ELAVL1: variants seen among roughly 807,000 people sequenced by gnomAD.
The protein encoded by ELAVL1 is ELAV-like protein 1.
In ELAVL1, 1 loss-of-function variant was observed where a neutral mutation model predicts 28.4. The observed-to-expected ratio is 0.04, with a 90% confidence interval of 0.01 to 0.17. The LOEUF is 0.17. Ranked by LOEUF, ELAVL1 falls within the 10% of genes least tolerant of loss-of-function variation. The pLI is 1.00. For missense variants in ELAVL1, 157 were observed against 447.2 expected (o/e 0.35, Z 5.85); for synonymous variants, 174 against 183.5 (o/e 0.95, Z 0.42).
intron 1 of ELAVL1, among the ~76,000 whole-genome samples, chr19:8,004,528 G>A (rs1489200387): frequency 6.6e-6 from 1 of 152,132 alleles, no homozygotes; most frequent in African/African-American, 2.4e-5. Flanking sequence ...GTAGAGGCCA[G>A]GAATACGGCT....
intron 1 of ELAVL1, among the ~76,000 whole-genome samples, chr19:7,992,268 G>C (rs1985772673): frequency 6.6e-6 from 1 of 152,112 alleles, no homozygotes; most frequent in Non-Finnish European, 1.5e-5. Context: ...TTTCTATGCT[G>C]CATGTTAACT....
chr19:7,976,986 C>T (rs1388846347), intron 3 of ELAVL1, among the ~76,000 whole-genome samples: 1 of 152,048 alleles, frequency 6.6e-6, no homozygotes, highest in East Asian at 1.9e-4. Flanking sequence ...CCCTGCCTGG[C>T]ATCTATTTTA....
Position 8,005,529 on chromosome 19 carries a change from GGGCGGGCGGGAGGC to G in ELAVL1, c.-65_-52del, listed in dbSNP as rs1473200530. On this transcript the variant is annotated 5_prime_UTR_variant, in exon 1 of 6. Coordinates refer to ENST00000407627, the MANE Select transcript of ELAVL1 (RefSeq NM_001419.3). ...GGCGGGCGGGCCCGGGGCTGCTCCG[GGGCGGGCGGGAGGC>G]GGCGGCGGCGCGGCGCTAACGGCTC... is the stretch of plus-strand genomic sequence containing the variant. 15 of 147,590 alleles carry G rather than the reference GGGCGGGCGGGAGGC, an allele frequency of 1.0e-4. No individual in the cohort carries two copies. The highest frequency in any genetic ancestry group is 1.8e-4 in the Non-Finnish European group (12 of 66,036). 9.1% of individuals were successfully genotyped at this position (147,590 alleles called of 1,614,324 possible).
intron 4 of ELAVL1, 138 bp downstream of exon 4, chr19:7,973,587 C>A (rs187792810): frequency 8.9e-7 from 1 of 1,119,748 alleles, no homozygotes; most frequent in Non-Finnish European, 1.3e-6. Flanking sequence ...CCAAAGCCAA[C>A]GTCTTCTCAT....
At chr19:7,995,785 A>T (rs1190931046) in intron 1 of ELAVL1, among the ~76,000 whole-genome samples, 1 of 84,846 alleles carries the variant, frequency 1.2e-5, no homozygotes, top group Non-Finnish European at 2.9e-5. Context: ...CACTTCGTTA[A>T]AAAAAAAAAA....
intron 4 of ELAVL1, among the ~76,000 whole-genome samples, chr19:7,972,212 G>A (rs1599667034): frequency 1.3e-5 from 2 of 152,236 alleles, no homozygotes; most frequent in East Asian, 1.9e-4. Flanking sequence ...AGAGCTGAGC[G>A]ATCCTAAATC....
Position 7,973,840 on chromosome 19 carries a change from G to A in ELAVL1, c.315C>T (p.Asp105=), listed in dbSNP as rs114408443. The change falls in exon 4 of 6, where the codon GAC becomes GAT. Residue 105 remains aspartate (D), a synonymous_variant. Transcript: ENST00000407627. ...GGAGCCCGCTGATGTACAAGTTGGC[G>A]TCTTTGATCACCTCTGAGCTCGGGC... ...YARPSSEVIK[D]ANLYISGLPR... 5.1e-4 allele frequency: 823 copies of A among 1,614,116 alleles called. 3 individuals are homozygous for A. The African/African-American group carries it at 8.2e-3, about 16-fold the overall frequency.
intron 3 of ELAVL1, among the ~76,000 whole-genome samples, chr19:7,980,147 G>C (rs1259418892): frequency 6.6e-6 from 1 of 152,238 alleles, no homozygotes; most frequent in African/African-American, 2.4e-5. Flanking sequence ...CTTGGAGCAA[G>C]AGAGGGGATT....
In ELAVL1 at chr19:7,981,176, C is replaced by T; in HGVS notation, c.183G>A (p.Leu61=). ...LIRDKVAGHS[L]GYGFVNYVTA... is the part of the protein sequence containing the mutation. The stretch of plus-strand genomic sequence containing the variant: ...TCACGTAGTTCACAAAGCCATAGCC[C>T]AAGCTGTGTCCTGTGCAAGAGAACA... The change falls in exon 3 of 6, where the codon TTG becomes TTA. Residue 61 remains leucine, a synonymous_variant. Coordinates refer to ENST00000407627, the MANE Select transcript of ELAVL1 (RefSeq NM_001419.3). The surrounding 1 kb of genome is among the most constrained non-coding windows in gnomAD (Gnocchi z 4.2). 6.2e-7 allele frequency: 1 copy of T among 1,614,186 alleles called. No homozygotes were observed. Among genetic ancestry groups the T allele is most frequent in the South Asian group, 1.1e-5 (1 of 91,088 alleles).
At chr19:7,964,774 C>T (rs962598245) in intron 5 of ELAVL1, among the ~76,000 whole-genome samples, 1 of 152,184 alleles carries the variant, frequency 6.6e-6, no homozygotes, top group Admixed American at 6.5e-5. Context: ...AGGTATATGA[C>T]AAAACAGTTC....
chr19:7,960,708 T>G lies in ELAVL1; in HGVS notation c.*2775A>C, dbSNP rs1984782485. ...TTTGATAAATGAACATTATCTACTC[T>G]GAACGCTTTTTCATCGAAATTCCCA... On this transcript the variant is annotated 3_prime_UTR_variant, in exon 6 of 6. Coordinates refer to ENST00000407627, the MANE Select transcript of ELAVL1 (RefSeq NM_001419.3). 6.6e-6 allele frequency: 1 copy of G among 152,650 alleles called. No individual in the cohort carries two copies. The highest frequency in any genetic ancestry group is 2.4e-5 in the African/African-American group (1 of 41,464). The allele number at this position is 152,650 out of a possible 1,614,324, so 9.5% of individuals were successfully genotyped here. A position where few individuals can be genotyped will look rare whatever the true frequency, so the allele number is the denominator to read the frequency against.
At chr19:7,973,475 C>T in intron 4 of ELAVL1, 1 of 519,304 alleles carries the variant, frequency 1.9e-6, no homozygotes, top group African/African-American at 1.9e-5. Flanking sequence ...CGTGATCCAC[C>T]CACCTTGGCC....
Position 7,997,701 on chromosome 19 carries a change from G to C in ELAVL1, c.-16-5870C>G, listed in dbSNP as rs1030046274. Among the ~76,000 whole-genome samples the C allele has an allele frequency of 7.2e-5, 11 of 152,018 alleles. No homozygotes were observed. The South Asian group carries it at 8.3e-4, about 11-fold the overall frequency. On this transcript the variant is annotated intron_variant, in intron 1 of 5. Transcript: ENST00000407627. The stretch of plus-strand genomic sequence containing the variant: ...CATGCCTTTAATCCCAGCGCTTTCA[G>C]AGGCCAAGGTGGGAGGACTGCTTAA...
chr19:7,972,238 G>A (rs1047248905), intron 4 of ELAVL1, among the ~76,000 whole-genome samples: 11 of 152,188 alleles, frequency 7.2e-5, no homozygotes, highest in Admixed American at 3.9e-4. Flanking sequence ...AGGGTGGCCC[G>A]AGCTCCCTGT....
intron 2 of ELAVL1, among the ~76,000 whole-genome samples, chr19:7,983,002 C>A (rs1157700757): frequency 6.6e-6 from 1 of 152,300 alleles, no homozygotes; most frequent in Non-Finnish European, 1.5e-5. Context: ...GGTTTCTTGG[C>A]TGTAAAGTGA....
At chr19:7,970,976 C>G (rs1985093812) in intron 4 of ELAVL1, among the ~76,000 whole-genome samples, 1 of 152,200 alleles carries the variant, frequency 6.6e-6, no homozygotes, top group Non-Finnish European at 1.5e-5. Flanking sequence ...GGGATGGGAG[C>G]CTCACCTTCC....
rs1482876551 is a variant in ELAVL1, at chr19:7,959,063, A to T, written c.*4420T>A. On this transcript the variant is annotated 3_prime_UTR_variant, in exon 6 of 6. Transcript: ENST00000407627. ...AACATTTATTCACAAGGATTAAAAAAAAAAAATAAAAAGGCAATGGGCTGA... is the reference window on the plus strand; with the variant it reads ...AACATTTATTCACAAGGATTAAAAATAAAAAATAAAAAGGCAATGGGCTGA... The T allele has an allele frequency of 6.5e-6, 1 of 153,530 alleles. No individual in the cohort carries two copies. Among genetic ancestry groups the T allele is most frequent in the African/African-American group, 2.4e-5 (1 of 41,428 alleles). The allele number at this position is 153,530 out of a possible 1,614,324, so 9.5% of individuals were successfully genotyped here.
chr19:8,004,943 T>G (rs892122130), intron 1 of ELAVL1, among the ~76,000 whole-genome samples: 1 of 152,104 alleles, frequency 6.6e-6, no homozygotes, highest in African/African-American at 2.4e-5. Context: ...ACAGCTTTGT[T>G]AGAGATGGCG....
At chr19:7,992,739 C>T (rs771955280) in intron 1 of ELAVL1, among the ~76,000 whole-genome samples, 21 of 152,158 alleles carry the variant, frequency 1.4e-4, no homozygotes, top group Non-Finnish European at 2.2e-4. Flanking sequence ...ATCTGAATTA[C>T]GTGCTTTAGT....
Sources: allele counts gnomAD v4.1 joint callset (sites outside exome capture counted in the v4.1 genomes callset), GRCh38; gene constraint gnomAD v4.1.1; non-coding constraint Gnocchi (gnomAD v3.1); transcripts MANE v1.5; gene names NCBI Gene and HGNC (gene_info 2026-07-23, HGNC 2026-07-21).